Variants in PUM2 observed in about 807,000 individuals in gnomAD.
PUM2 encodes pumilio homolog 2.
In PUM2, 57 loss-of-function variants were observed where a neutral mutation model predicts 124.5. The observed-to-expected ratio is 0.46, with a 90% CI of 0.37 to 0.57. The LOEUF is 0.57. Among genes scored for constraint, PUM2 ranks in the 20% least tolerant of loss-of-function variants. PUM2 has a pLI of 0.00. For missense variants in PUM2, 1,065 were observed against 1,290.6 expected, an observed-to-expected ratio of 0.83 and a Z score of 2.68; for synonymous variants, 460 against 446.1, an observed-to-expected ratio of 1.03 and a Z score of -0.39.
chr2:20,351,404 T>C (rs947989831), upstream of PUM2, among the ~76,000 whole-genome samples: 5 of 152,226 alleles, frequency 3.3e-5, no homozygotes, highest in African/African-American at 1.2e-4. Flanking sequence ...GCTGTCACTC[T>C]TCTCGTGGTT....
At chr2:20,319,120 A>T (rs10172088) in intron 2 of PUM2, among the ~76,000 whole-genome samples, 5,358 of 152,312 alleles carry the variant, frequency 0.035, 94 homozygotes, top group Middle Eastern at 0.068. Flanking sequence ...GCTGCTGAGT[A>T]CTATCTGTCA....
intron 3 of PUM2, among the ~76,000 whole-genome samples, chr2:20,313,395 C>T (rs1680119392): frequency 6.6e-6 from 1 of 152,174 alleles, no homozygotes; most frequent in Non-Finnish European, 1.5e-5. Context: ...AAGAACAGTA[C>T]AACCAAAAAG....
chr2:20,344,032 C>T (rs1247986374), intron 1 of PUM2, among the ~76,000 whole-genome samples: 1 of 151,924 alleles, frequency 6.6e-6, no homozygotes, highest in Non-Finnish European at 1.5e-5. Context: ...TTAACAGATA[C>T]AAGGTTTCAT....
rs1558542687 is a variant in PUM2 at position 20,283,007 on chromosome 2, C to T, written c.1660G>A (p.Gly554Arg). Residue 554 changes from glycine (G) to arginine (R), a missense_variant, in exon 12 of 21, where the codon GGA (glycine) becomes AGA (arginine). Gly to Arg is a moderately radical substitution (Grantham distance 125, BLOSUM62 -2). Transcript: ENST00000361078. ...GQPGSTSLGF[G>R]SGNSLGAAIG... is the part of the protein sequence containing the mutation. ...GCAGCACCCAAAGAGTTACCACTTC[C>T]AAAGCCAAGAGATGTACTTCCAGGT... 1.9e-6 allele frequency: 3 copies of T among 1,614,088 alleles called. No individual in the cohort carries two copies. The highest frequency in any genetic ancestry group is 2.2e-5 in the East Asian group (1 of 44,878).
intron 13 of PUM2, among the ~76,000 whole-genome samples, chr2:20,264,424 C>T (rs1472918528): frequency 1.1e-5 from 1 of 90,830 alleles, no homozygotes; most frequent in African/African-American, 4.3e-5. Context: ...ATTTCACAAA[C>T]AATAGTATTA....
intron 7 of PUM2, among the ~76,000 whole-genome samples, chr2:20,306,988 G>A (rs564537614): frequency 6.6e-6 from 1 of 151,978 alleles, no homozygotes; most frequent in South Asian, 2.1e-4. Flanking sequence ...CCGAGGGGGG[G>A]CTGATCACCT....
chr2:20,256,302 G>A, intron 16 of PUM2, 132 bp from the exon 17 acceptor site: 1 of 820,808 alleles, frequency 1.2e-6, no homozygotes. Context: ...ATACTGAGAT[G>A]GGAACACAAA....
chr2:20,260,233 CTTTT>C (rs1572558326), intron 15 of PUM2, 100 bp downstream of exon 15: 1 of 1,250,538 alleles, frequency 8.0e-7, no homozygotes, highest in African/African-American at 1.5e-5. Context: ...GGCTTATTAT[CTTTT>C]TTTATATGAA....
At position 20,266,161 on chromosome 2, in the gene PUM2, G is replaced by A. The variant is rs555317330; in HGVS notation, c.1958-2701C>T. Reference sequence around the variant, plus strand: ...CTCATATATGAAATTTACAAATTTGGCCAGGCGCGGTGGCTCACGCCTATA... The same window carrying A: ...CTCATATATGAAATTTACAAATTTGACCAGGCGCGGTGGCTCACGCCTATA... On this transcript the variant is annotated intron_variant, in intron 13 of 20. Transcript: ENST00000361078. 3.9e-5 allele frequency among the ~76,000 whole-genome samples: 6 copies of A among 152,208 alleles called. 1 individual carries two copies. The South Asian group carries it at 1.2e-3, about 32-fold the overall frequency.
At chr2:20,350,431 T>C (rs1389506496) in intron 1 of PUM2, 166 bp downstream of exon 1, 17 of 902,852 alleles carry the variant, frequency 1.9e-5, no homozygotes, top group African/African-American at 3.7e-5. Flanking sequence ...CCCCTCCCCC[T>C]GCATTGTGCG....
chr2:20,311,724 T>A, intron 4 of PUM2, 61 bp from the exon 5 acceptor site: 1 of 1,479,960 alleles, frequency 6.8e-7, no homozygotes, highest in Admixed American at 2.1e-5. Flanking sequence ...AAAGGCACCA[T>A]AAGGTGACCT....
chr2:20,280,788 G>T (rs950721320), intron 12 of PUM2, among the ~76,000 whole-genome samples: 1 of 152,102 alleles, frequency 6.6e-6, no homozygotes, highest in Non-Finnish European at 1.5e-5. Flanking sequence ...TAGACAGACT[G>T]CTAATCATTC....
At chr2:20,339,695 C>A (rs1231593595) in intron 1 of PUM2, among the ~76,000 whole-genome samples, 1 of 152,154 alleles carries the variant, frequency 6.6e-6, no homozygotes, top group Non-Finnish European at 1.5e-5. Context: ...GCCTAGCAGA[C>A]ATGGTGAAAC....
At chr2:20,312,627 A>C (rs557632864) in intron 3 of PUM2, among the ~76,000 whole-genome samples, 1 of 152,340 alleles carries the variant, frequency 6.6e-6, no homozygotes, top group African/African-American at 2.4e-5. Context: ...CAATATCATG[A>C]AAATGGCCAT....
chr2:20,341,073 T>C (rs1195947145), intron 1 of PUM2, among the ~76,000 whole-genome samples: 1 of 152,184 alleles, frequency 6.6e-6, no homozygotes, highest in Non-Finnish European at 1.5e-5. Context: ...ATCCCAACAC[T>C]TTGGTTGGCC....
Position 20,350,305 on chromosome 2 carries a change from G to A in PUM2, c.-19+292C>T, listed in dbSNP as rs1057354157. On this transcript the variant is annotated intron_variant, in intron 1 of 20. Coordinates refer to ENST00000361078, the MANE Select transcript of PUM2 (RefSeq NM_015317.5). ...CTAACCTCCAGCGCGCCGAATCGGA[G>A]GGAGAACCGGGTCGGCGCCCCACGC... The A allele has an allele frequency of 1.5e-5, 4 of 261,468 alleles. No individual in the cohort carries two copies. In the Admixed American group the frequency reaches 1.9e-4, roughly 13 times the overall value. The allele number at this position is 261,468 out of a possible 1,614,324, so 16.2% of individuals were successfully genotyped here.
intron 3 of PUM2, among the ~76,000 whole-genome samples, chr2:20,317,036 A>G (rs187240318): frequency 0.011 from 1,569 of 146,030 alleles, 22 homozygotes; most frequent in African/African-American, 0.037. Flanking sequence ...GTCTCAGGGG[A>G]AAAAAAAAAA....
In PUM2 at chr2:20,326,528, G is replaced by A. The variant is rs1277006244; in HGVS notation, c.51+782C>T. 1.6e-5 allele frequency: 11 copies of A among 667,342 alleles called. No individual in the cohort carries two copies. In the Admixed American group the frequency reaches 3.5e-4, roughly 21 times the overall value. The allele number at this position is 667,342 out of a possible 1,614,324, so 41.3% of individuals were successfully genotyped here. A position where few individuals can be genotyped will look rare whatever the true frequency, so the allele number is the denominator to read the frequency against. On this transcript the variant is annotated intron_variant, in intron 2 of 20. Coordinates refer to ENST00000361078, the MANE Select transcript of PUM2 (RefSeq NM_015317.5). Reference sequence around the variant, plus strand: ...TCTATTATCAAAGTCTACGTTAGTAGTACAGAACATGACAAAATACAGATG... The same window carrying A: ...TCTATTATCAAAGTCTACGTTAGTAATACAGAACATGACAAAATACAGATG...
chr2:20,282,704 A>C (rs1337309914), intron 12 of PUM2, among the ~76,000 whole-genome samples: 3 of 152,202 alleles, frequency 2.0e-5, no homozygotes, highest in Non-Finnish European at 4.4e-5. Flanking sequence ...ATCAATTCCT[A>C]GAGCCAGGGA....
Sources: gnomAD v4.1 joint callset for allele counts (sites outside exome capture counted in the v4.1 genomes callset) on GRCh38, gnomAD v4.1.1 for gene constraint, MANE v1.5 for transcripts, NCBI Gene and HGNC (gene_info 2026-07-23, HGNC 2026-07-21) for gene names.